RAPGEF4: variants seen among roughly 807,000 people sequenced by gnomAD.
The protein encoded by RAPGEF4 is Rap guanine nucleotide exchange factor 4.
RAPGEF4 carries 66 observed loss-of-function variants against 147.9 expected under a neutral mutation model. The ratio of observed to expected loss-of-function variants is 0.45; its 90% confidence interval spans 0.37 to 0.55. The LOEUF (loss-of-function observed/expected upper bound fraction) is 0.55. RAPGEF4 is among the 20% of genes least tolerant of loss of function. The probability of loss-of-function intolerance (pLI) is 0.00; values close to 1 mark genes in which losing one functional copy is unlikely to be tolerated. For missense variants in RAPGEF4, 1,071 were observed against 1,257.3 expected (o/e 0.85, Z 2.24); for synonymous variants, 419 against 442.7 (o/e 0.95, Z 0.67).
At chr2:173,044,270 G>A (rs1005554999) in intron 29 of RAPGEF4, among the ~76,000 whole-genome samples, 2 of 128,012 alleles carry the variant, frequency 1.6e-5, no homozygotes, top group East Asian at 5.6e-4. Flanking sequence ...ATGGCGCCGG[G>A]GGGCGGGAGG....
intron 5 of RAPGEF4, among the ~76,000 whole-genome samples, chr2:172,918,503 A>G (rs1439329562): frequency 6.6e-6 from 1 of 152,030 alleles, no homozygotes; most frequent in Admixed American, 6.6e-5. Context: ...TGTGTTGTAC[A>G]TATTAAATAT....
At chr2:173,014,392 AC>A in intron 17 of RAPGEF4, 71 bp from the exon 18 acceptor site, 2 of 1,585,162 alleles carry the variant, frequency 1.3e-6, no homozygotes, top group Non-Finnish European at 1.7e-6. Flanking sequence ...GGGATCTGTC[AC>A]TCTTTACCTT....
At position 172,984,142 on chromosome 2, in the gene RAPGEF4, G is replaced by A. The variant is rs116886399; in HGVS notation, c.1089+562G>A. Among the ~76,000 whole-genome samples, 233 of 152,244 alleles carry A rather than the reference G, an allele frequency of 1.5e-3. 10 individuals are homozygous for A. The East Asian group carries it at 0.041, about 26-fold the overall frequency. ...ACTTTTACCTGATTAGAGTATTTAG[G>A]AGACAGAAATTTTTTGCCACTGAAT... On this transcript the variant is annotated intron_variant, in intron 11 of 30. Coordinates refer to ENST00000397081, the MANE Select transcript of RAPGEF4 (RefSeq NM_007023.4).
At position 172,873,076 on chromosome 2, in the gene RAPGEF4, A is replaced by G. The variant is rs532062912; in HGVS notation, c.445-44726A>G. On this transcript the variant is annotated intron_variant, in intron 4 of 30. Coordinates refer to ENST00000397081, the MANE Select transcript of RAPGEF4 (RefSeq NM_007023.4). ...AATCAGACTCCTTAATTGAAGATGC[A>G]ACTTTGGAGGACAGAGTGTAAATCA... Among the ~76,000 whole-genome samples, 6 of 152,282 alleles carry G rather than the reference A, an allele frequency of 3.9e-5. No individual in the cohort carries two copies. In the South Asian group the frequency reaches 1.2e-3, roughly 32 times the overall value.
rs372489885 is a variant in RAPGEF4, at chr2:172,905,757, A to G, written c.445-12045A>G. On this transcript the variant is annotated intron_variant, in intron 4 of 30. Coordinates refer to ENST00000397081, the MANE Select transcript of RAPGEF4 (RefSeq NM_007023.4). ...AAATGGTCATAAATTGACAAGCAGA[A>G]TTTTGCTTCCACGTAGAAATGTCTA... 2.2e-4 allele frequency among the ~76,000 whole-genome samples: 34 copies of G among 152,316 alleles called. 1 individual carries two copies. The South Asian group carries it at 7.0e-3, about 32-fold the overall frequency.
At chr2:172,822,957 G>C (rs1005097451) in intron 4 of RAPGEF4, among the ~76,000 whole-genome samples, 6 of 152,172 alleles carry the variant, frequency 3.9e-5, no homozygotes, top group Admixed American at 1.3e-4. Context: ...TTCCCACCAG[G>C]TGGAGGTGCA....
chr2:172,822,014 G>C, intron 4 of RAPGEF4: 1 of 1,604,888 alleles, frequency 6.2e-7, no homozygotes, highest in Non-Finnish European at 8.5e-7. Context: ...TGAAGGGTGG[G>C]AGAGTGGGGA....
intron 1 of RAPGEF4, among the ~76,000 whole-genome samples, chr2:172,773,843 T>C (rs1295627663): frequency 6.6e-6 from 1 of 152,044 alleles, no homozygotes; most frequent in Non-Finnish European, 1.5e-5. Context: ...AATCGTCATA[T>C]AGTGAGTGAG....
intron 25 of RAPGEF4, among the ~76,000 whole-genome samples, chr2:173,028,824 A>G (rs1384465694): frequency 1.3e-5 from 2 of 152,170 alleles, no homozygotes; most frequent in Non-Finnish European, 2.9e-5. Flanking sequence ...ACTTCAACAT[A>G]TTTGTTTTAA....
chr2:172,786,300 G>A (rs1020167910), intron 1 of RAPGEF4, among the ~76,000 whole-genome samples: 1 of 152,072 alleles, frequency 6.6e-6, no homozygotes, highest in Non-Finnish European at 1.5e-5. Flanking sequence ...GTTGGTACTC[G>A]TATTACAGTC....
intron 4 of RAPGEF4, among the ~76,000 whole-genome samples, chr2:172,916,054 C>T (rs1176758939): frequency 2.0e-5 from 3 of 152,152 alleles, no homozygotes; most frequent in Non-Finnish European, 4.4e-5. Flanking sequence ...GAATCCAGCC[C>T]ACACACTCCT....
chr2:172,913,754 G>A (rs1683715461), intron 4 of RAPGEF4, among the ~76,000 whole-genome samples: 1 of 152,042 alleles, frequency 6.6e-6, no homozygotes. Flanking sequence ...AAATCTATTA[G>A]AGAGTTTAAT....
chr2:172,809,335 G>T (rs955526479), intron 3 of RAPGEF4, among the ~76,000 whole-genome samples: 1 of 152,128 alleles, frequency 6.6e-6, no homozygotes, highest in African/African-American at 2.4e-5. Flanking sequence ...GGCCACAGAA[G>T]GACTGCCAGA....
intron 4 of RAPGEF4, among the ~76,000 whole-genome samples, chr2:172,837,717 A>G (rs924513715): frequency 2.0e-5 from 3 of 152,090 alleles, no homozygotes; most frequent in African/African-American, 7.2e-5. Flanking sequence ...ACAGGTGTGC[A>G]CCGCCTTGCC....
In RAPGEF4 at chr2:172,830,168, A is replaced by G. The variant is rs531435732; in HGVS notation, c.444+15743A>G. Among the ~76,000 whole-genome samples the G allele has an allele frequency of 3.0e-4, 45 of 152,310 alleles. No individual in the cohort carries two copies. The South Asian group carries it at 9.3e-3, about 32-fold the overall frequency. ...GTGGGAGAACATTTATTCCCAGTGTAACATATCTTTGTAGAATTTGTGATG... is the reference window on the plus strand; with the variant it reads ...GTGGGAGAACATTTATTCCCAGTGTGACATATCTTTGTAGAATTTGTGATG... On this transcript the variant is annotated intron_variant, in intron 4 of 30. Coordinates refer to ENST00000397081, the MANE Select transcript of RAPGEF4 (RefSeq NM_007023.4).
Position 172,974,798 on chromosome 2 carries a change from C to G in RAPGEF4, c.1004+7354C>G, listed in dbSNP as rs926483911. Among the ~76,000 whole-genome samples the G allele has an allele frequency of 3.9e-5, 6 of 152,184 alleles. No homozygotes were observed. In the East Asian group the frequency reaches 1.2e-3, roughly 29 times the overall value. On this transcript the variant is annotated intron_variant, in intron 10 of 30. Coordinates refer to ENST00000397081, the MANE Select transcript of RAPGEF4 (RefSeq NM_007023.4). ...AAAAGTCCTCTAGTATGGCAGATTC[C>G]CAGGCGTGCTGCTAATCCATAATGG...
At chr2:173,024,988 A>T (rs1244162719) in intron 23 of RAPGEF4, among the ~76,000 whole-genome samples, 1 of 152,198 alleles carries the variant, frequency 6.6e-6, no homozygotes, top group Non-Finnish European at 1.5e-5. Flanking sequence ...CACCTGCCCA[A>T]GCTTGTCTGC....
Position 172,965,551 on chromosome 2 carries a change from C to T in RAPGEF4, c.699-11C>T. The T allele has an allele frequency of 1.2e-6, 2 of 1,612,962 alleles. No individual in the cohort carries two copies. The highest frequency in any genetic ancestry group is 1.7e-6 in the Non-Finnish European group (2 of 1,178,952). On this transcript the variant is annotated splice_polypyrimidine_tract_variant and intron_variant, in intron 8 of 30. Transcript: ENST00000397081. ...TGACTTCCCCACCCTTTCTGTCTCACCTCTCCTTAGACAATGCTGTGTGGG... is the reference window on the plus strand; with the variant it reads ...TGACTTCCCCACCCTTTCTGTCTCATCTCTCCTTAGACAATGCTGTGTGGG...
intron 23 of RAPGEF4, among the ~76,000 whole-genome samples, chr2:173,023,049 A>G (rs980481525): frequency 6.6e-6 from 1 of 152,100 alleles, no homozygotes; most frequent in South Asian, 2.1e-4. Flanking sequence ...CAGTGAGCAA[A>G]CAGTGTAGTG....
Sources: gnomAD v4.1 joint callset for allele counts (sites outside exome capture counted in the v4.1 genomes callset) on GRCh38, gnomAD v4.1.1 for gene constraint, MANE v1.5 for transcripts, NCBI Gene and HGNC (gene_info 2026-07-23, HGNC 2026-07-21) for gene names.